Variants in GLYATL2 observed in about 807,000 individuals in gnomAD.
GLYATL2 encodes the protein glycine-N-acyltransferase like 2.
GLYATL2 carries 25 observed loss-of-function variants against 21.4 expected under a neutral mutation model. The ratio of observed to expected loss-of-function variants is 1.17; its 90% CI spans 0.85 to 1.63. The LOEUF (loss-of-function observed/expected upper bound fraction) is 1.63, where lower values mean the gene tolerates loss of function less well. Ranked by LOEUF, GLYATL2 falls within the 40% of genes most tolerant of loss-of-function variation. The pLI is 0.00. For synonymous variants in GLYATL2, 114 were observed against 118.2 expected (o/e 0.96, Z 0.23); for missense variants, 361 against 343.3 (o/e 1.05, Z -0.41).
chr11:58,846,666 C>T (rs1198938710), upstream of GLYATL2, among the ~76,000 whole-genome samples: 1 of 152,186 alleles, frequency 6.6e-6, no homozygotes, highest in East Asian at 1.9e-4. Context: ...GGGGAATCAC[C>T]AATCCCAGCA....
intron 1 of GLYATL2, among the ~76,000 whole-genome samples, chr11:58,898,124 C>G (rs1854665487): frequency 6.6e-6 from 1 of 152,150 alleles, no homozygotes; most frequent in Non-Finnish European, 1.5e-5. Context: ...TAATTGAACA[C>G]AAATTTCTTT....
chr11:58,879,719 T>G (rs1854297907), intron 1 of GLYATL2, among the ~76,000 whole-genome samples: 1 of 152,182 alleles, frequency 6.6e-6, no homozygotes. Context: ...AGTTTCTGTT[T>G]GAGATGACAA....
intron 1 of GLYATL2, among the ~76,000 whole-genome samples, chr11:58,851,891 G>C (rs1853747850): frequency 6.6e-6 from 1 of 152,194 alleles, no homozygotes. Context: ...ACCTGAGCTA[G>C]CATGATAGCC....
At chr11:58,846,183 ATT>A (rs776795662), upstream of GLYATL2, among the ~76,000 whole-genome samples, 1 of 151,902 alleles carries the variant, frequency 6.6e-6, no homozygotes, top group African/African-American at 2.4e-5. Context: ...GAGAACACAT[ATT>A]TTTTTTCTAT....
At chr11:58,908,461 C>T, upstream of GLYATL2, 1 of 192,506 alleles carries the variant, frequency 5.2e-6, no homozygotes, top group Admixed American at 4.7e-5. Context: ...TGTCTTTGAA[C>T]TCATCATGAA....
upstream of GLYATL2, among the ~76,000 whole-genome samples, chr11:58,846,191 T>TC (rs1476972364): frequency 1.3e-5 from 2 of 152,190 alleles, no homozygotes; most frequent in African/African-American, 4.8e-5. Flanking sequence ...ATATTTTTTT[T>TC]CTATACTGAG....
chr11:58,888,357 GT>G (rs564769142), intron 1 of GLYATL2, among the ~76,000 whole-genome samples: 180 of 151,396 alleles, frequency 1.2e-3, no homozygotes, highest in African/African-American at 4.2e-3. Flanking sequence ...CTGAGTTTTT[GT>G]TTTTTTTATT....
intron 1 of GLYATL2, among the ~76,000 whole-genome samples, chr11:58,889,260 G>C (rs185154174): frequency 2.5e-4 from 38 of 151,602 alleles, no homozygotes; most frequent in Admixed American, 1.2e-3. Context: ...GTTTTTTTGT[G>C]TGTGTGGGGG....
At position 58,867,247 on chromosome 11, in the gene GLYATL2, A is replaced by G. The variant is rs1300603337; in HGVS notation, n.61-28879T>C. ...GATTTAAAATGTGTATATTTTATAA[A>G]TGTATGCTTACAACAACAAAAATAC... On this transcript the variant is annotated intron_variant and non_coding_transcript_variant, in intron 1 of 4. Coordinates refer to the GLYATL2 transcript ENST00000533636. Among the ~76,000 whole-genome samples, 4 of 149,164 alleles carry G rather than the reference A, an allele frequency of 2.7e-5. 1 individual carries two copies. Among genetic ancestry groups the G allele is most frequent in the Non-Finnish European group, 6.0e-5 (4 of 67,224 alleles).
At chr11:58,907,184 A>T (rs1350744981), upstream of GLYATL2, 12 of 452,816 alleles carry the variant, frequency 2.7e-5, no homozygotes, top group Non-Finnish European at 5.3e-5. Flanking sequence ...TGAATACTTT[A>T]GGGGAAACCT....
chr11:58,894,179 G>C (rs1854594729), intron 1 of GLYATL2, among the ~76,000 whole-genome samples: 1 of 152,132 alleles, frequency 6.6e-6, no homozygotes, highest in Non-Finnish European at 1.5e-5. Flanking sequence ...AGCGCTTGGT[G>C]TTTGCAGCAC....
At chr11:58,864,103 T>C (rs1170639443) in intron 1 of GLYATL2, among the ~76,000 whole-genome samples, 1 of 152,102 alleles carries the variant, frequency 6.6e-6, no homozygotes, top group African/African-American at 2.4e-5. Context: ...TAGGGTGGAC[T>C]TGGAGTCTGT....
At chr11:58,878,163 C>T (rs983784386) in intron 1 of GLYATL2, 31 of 227,816 alleles carry the variant, frequency 1.4e-4, no homozygotes, top group Non-Finnish European at 2.6e-4. Flanking sequence ...CTCTGTGAAT[C>T]TGCTGTTATC....
rs1408037685 is a variant in GLYATL2 at position 58,834,655 on chromosome 11, G to A, written c.659C>T (p.Ser220Phe). 6.2e-7 allele frequency: 1 copy of A among 1,613,456 alleles called. No individual in the cohort carries two copies. The highest frequency in any genetic ancestry group is 1.1e-5 in the South Asian group (1 of 91,030). Residue 220 changes from serine (S) to phenylalanine (F), a missense_variant, in exon 6 of 6, where the codon TCC becomes TTC. Coordinates refer to ENST00000287275, the MANE Select transcript of GLYATL2 (RefSeq NM_145016.4). ...QLVSWIVMEQ[S>F]CELRMGYTVP... ...AGTATAACCCATTCTCAACTCACAG[G>A]ACTGTTCCATCACAATCCAAGAGAC...
intron 1 of GLYATL2, among the ~76,000 whole-genome samples, chr11:58,853,405 T>C (rs1250065944): frequency 6.6e-6 from 1 of 152,126 alleles, no homozygotes; most frequent in African/African-American, 2.4e-5. Flanking sequence ...AAGGCTGACT[T>C]TTCCTATCTG....
intron 1 of GLYATL2, among the ~76,000 whole-genome samples, chr11:58,861,242 A>AT (rs915918274): frequency 4.6e-5 from 7 of 151,508 alleles, no homozygotes; most frequent in Admixed American, 2.0e-4. Flanking sequence ...TTGATGGAAT[A>AT]TTTTTTTTAC....
chr11:58,858,272 C>T (rs1401923592), intron 1 of GLYATL2, among the ~76,000 whole-genome samples: 1 of 152,154 alleles, frequency 6.6e-6, no homozygotes, highest in East Asian at 1.9e-4. Flanking sequence ...GATGAGCCTA[C>T]TTTGGAAACA....
chr11:58,873,649 G>C (rs1370138615), intron 1 of GLYATL2, among the ~76,000 whole-genome samples: 1 of 152,176 alleles, frequency 6.6e-6, no homozygotes, highest in Non-Finnish European at 1.5e-5. Flanking sequence ...CTTGATCATG[G>C]TGGATAAGCT....
Position 58,893,630 on chromosome 11 carries a change from T to C in GLYATL2, n.60+10526A>G, listed in dbSNP as rs535264943. Among the ~76,000 whole-genome samples the C allele has an allele frequency of 8.5e-5, 13 of 152,268 alleles. No individual in the cohort carries two copies. The East Asian group carries it at 2.5e-3, about 29-fold the overall frequency. ...AAACACAGCCATGCTATTGAGGAAC[T>C]TACAATCCAGGCTGGAGGTGGGAAG... is the stretch of plus-strand genomic sequence containing the variant. On this transcript the variant is annotated intron_variant and non_coding_transcript_variant, in intron 1 of 4. Transcript: ENST00000533636.
Sources: allele counts gnomAD v4.1 joint callset (sites outside exome capture counted in the v4.1 genomes callset), GRCh38; gene constraint gnomAD v4.1.1; transcripts MANE v1.5; gene names NCBI Gene and HGNC (gene_info 2026-07-23, HGNC 2026-07-21).